The following CTNND2 variants were observed in gnomAD, a reference collection of about 807,000 sequenced individuals.
CTNND2 encodes catenin delta 2.
CTNND2 carries 22 observed loss-of-function variants against 144.4 expected under a neutral mutation model. The ratio of observed to expected loss-of-function variants is 0.15; its 90% confidence interval spans 0.11 to 0.22. The LOEUF (loss-of-function observed/expected upper bound fraction) is 0.22, where lower values mean the gene tolerates loss of function less well. CTNND2 is among the 10% of genes least tolerant of loss of function. CTNND2 has a pLI of 1.00. For synonymous variants in CTNND2, 751 were observed against 695.6 expected (o/e 1.08, Z -1.25); for missense variants, 1,353 against 1,618.8 (o/e 0.84, Z 2.82).
At chr5:11,896,911 T>C (rs1737439751) in intron 1 of CTNND2, among the ~76,000 whole-genome samples, 1 of 152,212 alleles carries the variant, frequency 6.6e-6, no homozygotes, top group South Asian at 2.1e-4. Context: ...GCACCTGCTA[T>C]GAATTTAACA....
chr5:11,041,157 T>A (rs954743930), intron 16 of CTNND2, among the ~76,000 whole-genome samples: 7 of 152,222 alleles, frequency 4.6e-5, no homozygotes, highest in Non-Finnish European at 8.8e-5. Flanking sequence ...CATTCTTGCT[T>A]TTCCAAATTG....
At chr5:11,611,958 G>A (rs1217458839) in intron 2 of CTNND2, among the ~76,000 whole-genome samples, 1 of 152,074 alleles carries the variant, frequency 6.6e-6, no homozygotes, top group Admixed American at 6.6e-5. Flanking sequence ...TTCATTTCTA[G>A]TTGTGTTCCT....
chr5:11,664,463 T>C (rs1241048698), intron 2 of CTNND2, among the ~76,000 whole-genome samples: 1 of 152,102 alleles, frequency 6.6e-6, no homozygotes, highest in Non-Finnish European at 1.5e-5. Flanking sequence ...TGGTGGCTGG[T>C]GCCTGTAATC....
At chr5:11,282,010 G>A (rs996752369) in intron 9 of CTNND2, among the ~76,000 whole-genome samples, 3 of 152,050 alleles carry the variant, frequency 2.0e-5, no homozygotes, top group Admixed American at 6.6e-5. Flanking sequence ...AATCTAATTT[G>A]GGCAGGGCTC....
intron 9 of CTNND2, among the ~76,000 whole-genome samples, chr5:11,269,635 C>T (rs145458436): frequency 6.6e-6 from 1 of 152,142 alleles, no homozygotes; most frequent in African/African-American, 2.4e-5. Flanking sequence ...TCCACAAAGA[C>T]CACATGAATA....
In CTNND2 at chr5:11,364,744, C is replaced by T. The variant is rs1317770166; in HGVS notation, c.1324G>A (p.Gly442Arg). The change falls in exon 8 of 22, where the codon GGG (glycine) becomes AGG (arginine). Residue 442 changes from glycine to arginine, a missense_variant. By Grantham distance (125) the Gly-to-Arg change is moderately radical. This residue lies in a region of CTNND2 where 708 missense variants were observed against 706.4 expected (regional missense o/e 1.00). Coordinates refer to ENST00000304623, the MANE Select transcript of CTNND2 (RefSeq NM_001332.4). ...PPMRSLSQSQ[G>R]DPLPPAHTGT... is the part of the protein sequence containing the mutation. ...GTGTGTGCTGGCGGCAGAGGGTCCC[C>T]CTGGCTCTGGCTGAGACTCCTCATA... 6.2e-7 allele frequency: 1 copy of T among 1,613,726 alleles called. No individual in the cohort carries two copies. Among genetic ancestry groups the T allele is most frequent in the East Asian group, 2.2e-5 (1 of 44,822 alleles).
chr5:11,483,773 T>G (rs76619638), intron 3 of CTNND2, among the ~76,000 whole-genome samples: 3,743 of 152,264 alleles, frequency 0.025, 168 homozygotes, highest in African/African-American at 0.086. Flanking sequence ...GAAAATGCAA[T>G]GTGCTCAACA....
At chr5:11,459,771 T>A (rs572012908) in intron 3 of CTNND2, among the ~76,000 whole-genome samples, 1 of 152,322 alleles carries the variant, frequency 6.6e-6, no homozygotes, top group Admixed American at 6.5e-5. Context: ...TGGGTACACT[T>A]GGCAGAGTGC....
chr5:11,903,814 C>G lies in CTNND2; in HGVS notation c.37+3G>C. ...GCCCCGGCCGCCCAGCCCCGCAACT[C>G]ACCCAAAGGCGCGGCGCCCGGCGGC... On this transcript the variant is annotated splice_donor_region_variant and intron_variant, in intron 1 of 21. Coordinates refer to ENST00000304623, the MANE Select transcript of CTNND2 (RefSeq NM_001332.4). This position sits in a 1 kb window ranked among gnomAD's most constrained non-coding sequence, Gnocchi z 5.4. The G allele has an allele frequency of 6.7e-7, 1 of 1,481,848 alleles. No individual in the cohort carries two copies. The highest frequency in any genetic ancestry group is 8.9e-7 in the Non-Finnish European group (1 of 1,122,872). The allele number at this position is 1,481,848 out of a possible 1,614,324, so 91.8% of individuals were successfully genotyped here.
chr5:11,231,897 C>G (rs769849891), intron 10 of CTNND2, among the ~76,000 whole-genome samples: 4 of 152,222 alleles, frequency 2.6e-5, no homozygotes, highest in Non-Finnish European at 5.9e-5. Flanking sequence ...CCCAGGGCCT[C>G]TCTGCTCTGT....
intron 15 of CTNND2, among the ~76,000 whole-genome samples, chr5:11,085,654 G>C (rs1304172828): frequency 6.6e-6 from 1 of 152,190 alleles, no homozygotes; most frequent in East Asian, 1.9e-4. Flanking sequence ...GAATATATTT[G>C]AAAGAGAATT....
chr5:11,643,008 T>C (rs1001233997), intron 2 of CTNND2, among the ~76,000 whole-genome samples: 8 of 152,160 alleles, frequency 5.3e-5, no homozygotes, highest in Non-Finnish European at 1.2e-4. Context: ...CCAATCCCTG[T>C]GTCACTAGAG....
intron 3 of CTNND2, among the ~76,000 whole-genome samples, chr5:11,535,966 C>T (rs1774182974): frequency 6.6e-6 from 1 of 152,188 alleles, no homozygotes; most frequent in African/African-American, 2.4e-5. Context: ...ACCTCACAGG[C>T]TTGTTATAGA....
intron 1 of CTNND2, among the ~76,000 whole-genome samples, chr5:11,819,317 C>T (rs1170727136): frequency 6.6e-6 from 1 of 151,992 alleles, no homozygotes; most frequent in African/African-American, 2.4e-5. Context: ...GCCTGTAATC[C>T]CAGCTACTCG....
At chr5:11,381,165 A>G (rs184679354) in intron 7 of CTNND2, among the ~76,000 whole-genome samples, 28 of 152,300 alleles carry the variant, frequency 1.8e-4, no homozygotes, top group Non-Finnish European at 2.6e-4. Flanking sequence ...ATAACGTCCA[A>G]TGCTTCCATC....
chr5:11,406,309 T>C (rs190683253), intron 5 of CTNND2, among the ~76,000 whole-genome samples: 60 of 152,286 alleles, frequency 3.9e-4, no homozygotes, highest in Middle Eastern at 3.4e-3. Context: ...ATAAGGAAGG[T>C]TTTCTATCCT....
At chr5:11,076,915 G>T (rs1164113971) in intron 16 of CTNND2, among the ~76,000 whole-genome samples, 1 of 152,112 alleles carries the variant, frequency 6.6e-6, no homozygotes, top group Admixed American at 6.6e-5. Flanking sequence ...ACCAATGATG[G>T]AAAAGAAAGG....
intron 2 of CTNND2, among the ~76,000 whole-genome samples, chr5:11,594,224 A>T (rs752509781): frequency 6.6e-6 from 1 of 152,204 alleles, no homozygotes; most frequent in Non-Finnish European, 1.5e-5. Flanking sequence ...TAAATAAATC[A>T]TGTATAACCA....
At chr5:11,559,646 A>C (rs938209644) in intron 3 of CTNND2, among the ~76,000 whole-genome samples, 2 of 152,102 alleles carry the variant, frequency 1.3e-5, no homozygotes, top group East Asian at 3.9e-4. Flanking sequence ...TCCCCATTGG[A>C]GCCTTCCAGG....
Sources: allele counts gnomAD v4.1 joint callset (sites outside exome capture counted in the v4.1 genomes callset), GRCh38; gene constraint gnomAD v4.1.1; regional missense constraint gnomAD v4.1.1; non-coding constraint Gnocchi (gnomAD v3.1); transcripts MANE v1.5; gene names NCBI Gene and HGNC (gene_info 2026-07-23, HGNC 2026-07-21).